Variants in PJA2 observed in about 807,000 individuals in gnomAD.
PJA2 encodes praja ring finger ubiquitin ligase 2.
In PJA2, 25 loss-of-function variants were observed where a neutral mutation model predicts 69.3. That is an observed-to-expected ratio of 0.36 (90% CI 0.26 to 0.50). The LOEUF (loss-of-function observed/expected upper bound fraction) is 0.50. Ranked by LOEUF, PJA2 falls within the 20% of genes least tolerant of loss-of-function variation. The pLI is 0.96. For missense variants in PJA2, 809 were observed against 830.2 expected, an observed-to-expected ratio of 0.97 and a Z score of 0.31; for synonymous variants, 308 against 277.8, an observed-to-expected ratio of 1.11 and a Z score of -1.08.
intron 9 of PJA2, 26 bp downstream of exon 9, chr5:109,344,164 A>T (rs1393218596): frequency 1.7e-6 from 2 of 1,195,182 alleles, no homozygotes; most frequent in Non-Finnish European, 2.2e-6. Context: ...AAGTATTTTT[A>T]AATTTTTAAT....
intron 9 of PJA2, among the ~76,000 whole-genome samples, chr5:109,342,540 C>T (rs1762091936): frequency 8.3e-6 from 1 of 121,112 alleles, no homozygotes; most frequent in African/African-American, 3.3e-5. Context: ...GTCAGCTCCC[C>T]CACCCGGCCA....
intron 1 of PJA2, among the ~76,000 whole-genome samples, chr5:109,407,238 T>C (rs1049825654): frequency 6.6e-6 from 1 of 152,114 alleles, no homozygotes; most frequent in Admixed American, 6.5e-5. Context: ...TCTAAGAGGG[T>C]GCTCTCTCAG....
chr5:109,370,776 T>C (rs112890040), intron 4 of PJA2, among the ~76,000 whole-genome samples: 3,070 of 152,284 alleles, frequency 0.02, 98 homozygotes, highest in African/African-American at 0.071. Flanking sequence ...TTAATGTCTT[T>C]AACAATTAGG....
chr5:109,340,954 C>A (rs1229294684), intron 9 of PJA2, among the ~76,000 whole-genome samples: 44 of 132,028 alleles, frequency 3.3e-4, no homozygotes, highest in Non-Finnish European at 6.4e-4. Context: ...CAATGGTGCC[C>A]AGGCTGGAGT....
At chr5:109,394,755 C>A (rs1011703917) in intron 1 of PJA2, among the ~76,000 whole-genome samples, 1 of 152,136 alleles carries the variant, frequency 6.6e-6, no homozygotes, top group Non-Finnish European at 1.5e-5. Flanking sequence ...TTCTTCTAAC[C>A]ACACAGATAA....
At chr5:109,359,382 G>A (rs535168564) in intron 6 of PJA2, among the ~76,000 whole-genome samples, 34 of 140,882 alleles carry the variant, frequency 2.4e-4, no homozygotes, top group Middle Eastern at 3.8e-3. Context: ...CCCCTAACCC[G>A]TGTTGTTCAA....
chr5:109,389,544 G>A (rs1252309114), intron 1 of PJA2, among the ~76,000 whole-genome samples: 1 of 151,636 alleles, frequency 6.6e-6, no homozygotes, highest in African/African-American at 2.4e-5. Flanking sequence ...TTCTTAATCA[G>A]GTCATTACAG....
chr5:109,366,058 C>CT (rs1313305526), intron 5 of PJA2, among the ~76,000 whole-genome samples: 12 of 152,018 alleles, frequency 7.9e-5, no homozygotes, highest in Non-Finnish European at 1.8e-4. Flanking sequence ...GATATTAGAA[C>CT]TTTTTTTGGG....
chr5:109,341,221 A>G (rs1444025615), intron 9 of PJA2, among the ~76,000 whole-genome samples: 1 of 138,456 alleles, frequency 7.2e-6, no homozygotes, highest in Non-Finnish European at 1.6e-5. Flanking sequence ...CCGCCATCAC[A>G]TCTAGGAAGT....
chr5:109,394,944 C>T (rs1015783951), intron 1 of PJA2, among the ~76,000 whole-genome samples: 2 of 152,126 alleles, frequency 1.3e-5, no homozygotes, highest in Non-Finnish European at 2.9e-5. Context: ...AGGAATATCT[C>T]GCCTAACAAT....
At chr5:109,404,275 C>T (rs1319132145) in intron 1 of PJA2, among the ~76,000 whole-genome samples, 2 of 151,954 alleles carry the variant, frequency 1.3e-5, no homozygotes, top group Non-Finnish European at 2.9e-5. Context: ...AATTCCAGCA[C>T]TTTGGGAGGC....
At chr5:109,363,673 C>T (rs934592102) in intron 5 of PJA2, among the ~76,000 whole-genome samples, 5 of 152,106 alleles carry the variant, frequency 3.3e-5, no homozygotes, top group Non-Finnish European at 1.5e-5. Context: ...CAGTTACTGA[C>T]TACCACATAA....
At position 109,378,589 on chromosome 5, in the gene PJA2, T is replaced by G; in HGVS notation, c.898A>C (p.Asn300His). The change falls in exon 4 of 10, where the codon AAT becomes CAT. Residue 300 changes from asparagine to histidine, a missense_variant. Asn to His is a moderately conservative substitution (Grantham distance 68, BLOSUM62 1). Coordinates refer to ENST00000361189, the MANE Select transcript of PJA2 (RefSeq NM_014819.5). ...PGHICSEQNT[N>H]DREKNHGSSP... ...CTTCCATGGTTCTTTTCCCTATCAT[T>G]GGTATTTTGTTCACTACAAATATGC... 6.2e-7 allele frequency: 1 copy of G among 1,614,178 alleles called. No homozygotes were observed.
intron 1 of PJA2, 77 bp from the exon 2 acceptor site, chr5:109,383,597 A>G (rs1263245892): frequency 5.6e-6 from 3 of 532,808 alleles, no homozygotes; most frequent in Admixed American, 3.3e-5. Flanking sequence ...TGCTCCTCCT[A>G]GTGAAGTCTT....
At chr5:109,358,620 GACC>G (rs1243427895) in intron 6 of PJA2, among the ~76,000 whole-genome samples, 1 of 152,146 alleles carries the variant, frequency 6.6e-6, no homozygotes, top group African/African-American at 2.4e-5. Context: ...AGGAGTTCAA[GACC>G]AGCCTGGGCA....
Position 109,404,662 on chromosome 5 carries a change from C to T in PJA2, c.-88+5180G>A, listed in dbSNP as rs60221383. Among the ~76,000 whole-genome samples, 364 of 152,244 alleles carry T rather than the reference C, an allele frequency of 2.4e-3. 2 individuals are homozygous for T. Among genetic ancestry groups the T allele is most frequent in the African/African-American group, 7.7e-3 (319 of 41,556 alleles). ...GCAGTTTTTTCACTGTGTTCTCATACGGCATAAGGGGATAGGAGCTCTCTG... is the reference window on the plus strand; with the variant it reads ...GCAGTTTTTTCACTGTGTTCTCATATGGCATAAGGGGATAGGAGCTCTCTG... On this transcript the variant is annotated intron_variant, in intron 1 of 9. Transcript: ENST00000361189.
intron 1 of PJA2, among the ~76,000 whole-genome samples, chr5:109,406,736 G>A (rs1181148754): frequency 1.3e-5 from 2 of 152,194 alleles, no homozygotes; most frequent in African/African-American, 2.4e-5. Flanking sequence ...ATAAAGGAAT[G>A]TTCAACAAAT....
chr5:109,400,505 G>A (rs1747517300), intron 1 of PJA2, among the ~76,000 whole-genome samples: 1 of 149,636 alleles, frequency 6.7e-6, no homozygotes, highest in Non-Finnish European at 1.5e-5. Flanking sequence ...AAGGGCGGGG[G>A]GGTGTCGCGG....
At chr5:109,385,020 T>C (rs1228817496) in intron 1 of PJA2, among the ~76,000 whole-genome samples, 1 of 152,146 alleles carries the variant, frequency 6.6e-6, no homozygotes, top group Non-Finnish European at 1.5e-5. Context: ...TTTCACCATA[T>C]TGGTCAGGCT....
Sources: gnomAD v4.1 joint callset for allele counts (sites outside exome capture counted in the v4.1 genomes callset) on GRCh38, gnomAD v4.1.1 for gene constraint, MANE v1.5 for transcripts, NCBI Gene and HGNC (gene_info 2026-07-23, HGNC 2026-07-21) for gene names.